FAM184B: variants seen among roughly 807,000 people sequenced by gnomAD.
The protein encoded by FAM184B is family with sequence similarity 184 member B.
A neutral mutation model predicts 135.9 loss-of-function variants in FAM184B; 111 were observed. The observed-to-expected ratio is 0.82, with a 90% CI of 0.70 to 0.96. The LOEUF (loss-of-function observed/expected upper bound fraction) is 0.96, where lower values mean the gene tolerates loss of function less well. FAM184B is among the 40% of genes least tolerant of loss of function. FAM184B has a pLI of 0.00. For synonymous variants in FAM184B, 552 were observed against 524.8 expected (o/e 1.05, Z -0.71); for missense variants, 1,375 against 1,323.9 (o/e 1.04, Z -0.60).
chr4:17,744,121 C>T lies in FAM184B; in HGVS notation c.142-34477G>A, dbSNP rs116382061. ...TCTTTCTGATTTTTCTATGCCTGATCTCTAGACTCAGTTTGAAGGCCTTGT... is the reference window on the plus strand; with the variant it reads ...TCTTTCTGATTTTTCTATGCCTGATTTCTAGACTCAGTTTGAAGGCCTTGT... On this transcript the variant is annotated intron_variant, in intron 1 of 17. Transcript: ENST00000265018. 1.8e-3 allele frequency among the ~76,000 whole-genome samples: 278 copies of T among 152,290 alleles called. 1 individual carries two copies. The highest frequency in any genetic ancestry group is 5.2e-3 in the South Asian group (25 of 4,816).
chr4:17,661,216 T>C (rs1182160291), intron 8 of FAM184B, among the ~76,000 whole-genome samples: 1 of 152,140 alleles, frequency 6.6e-6, no homozygotes, highest in African/African-American at 2.4e-5. Context: ...TCAATATCTA[T>C]ACTTAAAACA....
At chr4:17,669,646 A>G (rs1345852591) in intron 7 of FAM184B, among the ~76,000 whole-genome samples, 1 of 152,230 alleles carries the variant, frequency 6.6e-6, no homozygotes, top group African/African-American at 2.4e-5. Flanking sequence ...GGAATTGTTC[A>G]CTGAAATGCT....
chr4:17,729,515 C>G (rs148585078), intron 1 of FAM184B, among the ~76,000 whole-genome samples: 20,217 of 152,240 alleles, frequency 0.13, 1,815 homozygotes, highest in Middle Eastern at 0.22. Flanking sequence ...GGCAGAATGA[C>G]ACCTCACACG....
At chr4:17,664,996 C>T (rs1248821131) in intron 7 of FAM184B, among the ~76,000 whole-genome samples, 1 of 152,154 alleles carries the variant, frequency 6.6e-6, no homozygotes, top group Non-Finnish European at 1.5e-5. Context: ...ATGAAATATG[C>T]AACCGGATAA....
At chr4:17,775,286 A>G (rs1218737486) in intron 1 of FAM184B, among the ~76,000 whole-genome samples, 2 of 152,030 alleles carry the variant, frequency 1.3e-5, no homozygotes, top group African/African-American at 4.8e-5. Flanking sequence ...CTTGGGTTCA[A>G]TCGATTCTCC....
At chr4:17,752,572 C>T (rs2108988966) in intron 1 of FAM184B, among the ~76,000 whole-genome samples, 1 of 152,280 alleles carries the variant, frequency 6.6e-6, no homozygotes. Flanking sequence ...GCCACATTCC[C>T]TTCTTGCTGC....
chr4:17,669,894 T>C (rs1716131987), intron 7 of FAM184B, among the ~76,000 whole-genome samples: 2 of 152,206 alleles, frequency 1.3e-5, no homozygotes, highest in African/African-American at 4.8e-5. Flanking sequence ...TGTGAGGTCA[T>C]ATAGTGAATA....
intron 4 of FAM184B, among the ~76,000 whole-genome samples, 162 bp from the exon 5 acceptor site, chr4:17,705,368 A>G (rs1321743101): frequency 1.3e-5 from 2 of 152,248 alleles, no homozygotes; most frequent in African/African-American, 4.8e-5. Context: ...TGATGTTAGT[A>G]AAAGTCTCCA....
chr4:17,736,926 G>C (rs1226665036), intron 1 of FAM184B, among the ~76,000 whole-genome samples: 1 of 152,108 alleles, frequency 6.6e-6, no homozygotes, highest in Non-Finnish European at 1.5e-5. Flanking sequence ...GGGCAGATTG[G>C]CTGAGGTCAG....
intron 1 of FAM184B, among the ~76,000 whole-genome samples, chr4:17,715,919 G>C (rs1717393304): frequency 6.6e-6 from 1 of 152,086 alleles, no homozygotes; most frequent in African/African-American, 2.4e-5. Context: ...TTATTTCACT[G>C]TTATTAAGTA....
At chr4:17,775,628 G>T (rs1718910864) in intron 1 of FAM184B, among the ~76,000 whole-genome samples, 3 of 152,162 alleles carry the variant, frequency 2.0e-5, no homozygotes, top group African/African-American at 2.4e-5. Context: ...CAATTTTTCT[G>T]GTCGGTATAG....
intron 1 of FAM184B, among the ~76,000 whole-genome samples, chr4:17,731,770 G>A (rs1257736992): frequency 2.6e-5 from 4 of 152,214 alleles, no homozygotes; most frequent in Non-Finnish European, 5.9e-5. Context: ...ACAGATCAAC[G>A]AGACAGAAAG....
chr4:17,705,775 T>A lies in FAM184B; in HGVS notation c.1147A>T (p.Met383Leu). The part of the protein sequence containing the change: ...DQSCLKECPC[M>L]KGGTDMQTKK... ...ACCTGCATATCTGTGCCTCCTTTCA[T>A]GCAAGGGCACTCCTTGAGACAGCTT... is the stretch of plus-strand genomic sequence containing the variant. The change falls in exon 4 of 18, where the codon ATG (methionine) becomes TTG (leucine). Residue 383 changes from methionine to leucine, a missense_variant. Physicochemically the swap from Met to Leu is conservative, Grantham distance 15 (BLOSUM62 2). Transcript: ENST00000265018. The A allele has an allele frequency of 6.4e-7, 1 of 1,551,862 alleles. No individual in the cohort carries two copies. Among genetic ancestry groups the A allele is most frequent in the Non-Finnish European group, 8.7e-7 (1 of 1,147,016 alleles).
chr4:17,684,717 A>AG (rs1447365657), intron 7 of FAM184B, among the ~76,000 whole-genome samples: 1 of 152,220 alleles, frequency 6.6e-6, no homozygotes, highest in Non-Finnish European at 1.5e-5. Context: ...AACTCTATAG[A>AG]GGAGGCATCT....
chr4:17,781,386 G>A lies in FAM184B; in HGVS notation c.-87C>T. 1 of 1,392,078 alleles carries A rather than the reference G, an allele frequency of 7.2e-7. No individual in the cohort carries two copies. Among genetic ancestry groups the A allele is most frequent in the Non-Finnish European group, 9.4e-7 (1 of 1,067,810 alleles). The allele number at this position is 1,392,078 out of a possible 1,614,324, so 86.2% of individuals were successfully genotyped here. ...CGTGCGCGCGCGGGCGTGCGAGCGT[G>A]TGGGTTTCTCGGGAGAGGTGGCACT... On this transcript the variant is annotated 5_prime_UTR_variant, in exon 1 of 18. Coordinates refer to ENST00000265018, the MANE Select transcript of FAM184B (RefSeq NM_015688.2). The surrounding 1 kb of genome is among the most constrained non-coding windows in gnomAD (Gnocchi z 6.5).
intron 1 of FAM184B, among the ~76,000 whole-genome samples, chr4:17,744,490 CCA>C (rs1553841921): frequency 0.035 from 4,841 of 137,072 alleles, 174 homozygotes; most frequent in African/African-American, 0.1. Flanking sequence ...CACACACACA[CCA>C]CACACACACA....
intron 2 of FAM184B, among the ~76,000 whole-genome samples, chr4:17,708,072 A>C (rs531327883): frequency 8.5e-5 from 13 of 152,204 alleles, no homozygotes; most frequent in Admixed American, 3.9e-4. Context: ...TGGGGCTCAC[A>C]TAACTGAATC....
At chr4:17,743,266 G>C (rs1303258872) in intron 1 of FAM184B, among the ~76,000 whole-genome samples, 2 of 152,202 alleles carry the variant, frequency 1.3e-5, no homozygotes, top group African/African-American at 2.4e-5. Context: ...GGATGGGGGT[G>C]GGGAGAGAGC....
chr4:17,689,973 A>G (rs1322111550), intron 6 of FAM184B, among the ~76,000 whole-genome samples: 1 of 151,848 alleles, frequency 6.6e-6, no homozygotes, highest in Admixed American at 6.6e-5. Context: ...ACATGGCGAA[A>G]CCCCATCTCT....
Sources: gnomAD v4.1 joint callset for allele counts (sites outside exome capture counted in the v4.1 genomes callset) on GRCh38, gnomAD v4.1.1 for gene constraint, Gnocchi (gnomAD v3.1) non-coding constraint, MANE v1.5 for transcripts, NCBI Gene and HGNC (gene_info 2026-07-23, HGNC 2026-07-21) for gene names.